Variants in IFT122 observed in about 807,000 individuals in gnomAD.
IFT122 encodes intraflagellar transport 122.
A neutral mutation model predicts 161.6 loss-of-function variants in IFT122; 118 were observed. The ratio of observed to expected loss-of-function variants is 0.73; its 90% CI spans 0.63 to 0.85. The LOEUF (loss-of-function observed/expected upper bound fraction) is 0.85, where lower values mean the gene tolerates loss of function less well. Among genes scored for constraint, IFT122 ranks in the 40% least tolerant of loss-of-function variants. The pLI is 0.00. For missense variants in IFT122, 1,381 were observed against 1,579.6 expected (o/e 0.87, Z 2.13); for synonymous variants, 550 against 602.4 (o/e 0.91, Z 1.27).
chr3:129,472,308 C>T (rs1390891526), intron 9 of IFT122, among the ~76,000 whole-genome samples: 1 of 151,796 alleles, frequency 6.6e-6, no homozygotes, highest in African/African-American at 2.4e-5. Flanking sequence ...CACATGCCAC[C>T]ACATCCTGCT....
Position 129,440,360 on chromosome 3 carries a change from A to T in IFT122, c.30A>T (p.Lys10Asn). The T allele has an allele frequency of 6.4e-7, 1 of 1,550,792 alleles. No homozygotes were observed. Among genetic ancestry groups the T allele is most frequent in the Non-Finnish European group, 8.7e-7 (1 of 1,146,816 alleles). Residue 10 changes from lysine to asparagine, a missense_variant, in exon 1 of 30, where the codon AAA becomes AAT. This residue lies in a region of IFT122 where 134 missense variants were observed against 137.4 expected (regional missense o/e 0.98). Coordinates refer to ENST00000348417, the MANE Select transcript of IFT122 (RefSeq NM_052989.3). The part of the protein sequence containing the change: MRAVLTWRD[K>N]AEHCINDIAF... ...GGGCCGTGTTGACGTGGAGAGATAA[A>T]GCCGAGCACTGGTGAGGAGCGGGGC...
At chr3:129,465,114 AGTGTGTGTGTGTGTGTGTGTGTGTGT>A (rs56116340) in intron 7 of IFT122, among the ~76,000 whole-genome samples, 9 of 142,416 alleles carry the variant, frequency 6.3e-5, no homozygotes, top group South Asian at 2.3e-4. Flanking sequence ...CATGTATATG[AGTGTGTGTGTGTGTGTGTGTGTGTGT>A]GTGTGTGTGT....
intron 29 of IFT122, 50 bp from the exon 30 acceptor site, chr3:129,520,126 G>A (rs1166572662): frequency 5.3e-6 from 8 of 1,495,834 alleles, no homozygotes; most frequent in Non-Finnish European, 6.5e-6. Flanking sequence ...CAGGCGTAGG[G>A]CTGATGAGCA....
Position 129,488,249 on chromosome 3 carries a change from T to C in IFT122, c.1852-8T>C, listed in dbSNP as rs367654095. The C allele has an allele frequency of 5.6e-6, 9 of 1,614,088 alleles. No homozygotes were observed. In the African/African-American group the frequency reaches 1.1e-4, roughly 19 times the overall value. ...GTCTTCTTTTTTTCCCTTGATGAAA[T>C]CCTGCAGTCCGCTCCCATGTACCAG... On this transcript the variant is annotated splice_polypyrimidine_tract_variant and splice_region_variant and intron_variant, in intron 15 of 29. Transcript: ENST00000348417.
chr3:129,472,497 A>G (rs968560517), intron 9 of IFT122, among the ~76,000 whole-genome samples: 2 of 152,144 alleles, frequency 1.3e-5, no homozygotes, highest in Non-Finnish European at 2.9e-5. Context: ...GATAAGAATT[A>G]TATTTAAAGT....
intron 9 of IFT122, among the ~76,000 whole-genome samples, chr3:129,475,476 A>G (rs1275572840): frequency 6.6e-6 from 1 of 152,054 alleles, no homozygotes; most frequent in East Asian, 1.9e-4. Flanking sequence ...ACAAGGAGAA[A>G]CACCGTCTCT....
intron 23 of IFT122, among the ~76,000 whole-genome samples, chr3:129,510,848 G>A (rs1338720288): frequency 1.3e-5 from 2 of 152,226 alleles, no homozygotes; most frequent in Non-Finnish European, 2.9e-5. Flanking sequence ...CTGGTGACAC[G>A]GTGGTGAACA....
At chr3:129,469,538 G>A (rs2077146484) in intron 9 of IFT122, 121 bp downstream of exon 9, 4 of 811,800 alleles carry the variant, frequency 4.9e-6, no homozygotes. Flanking sequence ...CATTTGCTGT[G>A]GTACCAGATA....
intron 23 of IFT122, among the ~76,000 whole-genome samples, chr3:129,508,751 G>T (rs1578083629): frequency 6.6e-6 from 1 of 152,196 alleles, no homozygotes; most frequent in East Asian, 1.9e-4. Context: ...CCTGCAAAAA[G>T]TTGTTGAGAT....
chr3:129,450,544 TTGTA>T (rs1053101325), intron 2 of IFT122, among the ~76,000 whole-genome samples: 1 of 152,186 alleles, frequency 6.6e-6, no homozygotes, highest in Non-Finnish European at 1.5e-5. Flanking sequence ...TCTCCATTCT[TTGTA>T]TGGTTAACTA....
In IFT122 at chr3:129,459,745, CTT is replaced by C. The variant is rs1260783333; in HGVS notation, c.272+1069_272+1070del. Among the ~76,000 whole-genome samples the C allele has an allele frequency of 3.5e-4, 23 of 65,842 alleles. No individual in the cohort carries two copies. The African/African-American group carries it at 3.8e-3, about 11-fold the overall frequency. The allele number at this position is 65,842 out of a possible 152,430, so 43.2% of individuals were successfully genotyped here. A position where few individuals can be genotyped will look rare whatever the true frequency, so the allele number is the denominator to read the frequency against. The stretch of plus-strand genomic sequence containing the variant: ...CCTTCCTTCCCTCCCTCCCTCCCTT[CTT>C]CCTTCCTTCCTTCCTTCCTTCCTTC... On this transcript the variant is annotated intron_variant, in intron 4 of 29. Transcript: ENST00000348417.
At chr3:129,446,308 T>G (rs1339262670) in intron 1 of IFT122, among the ~76,000 whole-genome samples, 2 of 151,494 alleles carry the variant, frequency 1.3e-5, no homozygotes, top group African/African-American at 2.4e-5. Context: ...CACTGCAAGC[T>G]CCACCTTCCG....
chr3:129,497,298 G>A (rs2080984408), intron 18 of IFT122, among the ~76,000 whole-genome samples: 1 of 152,184 alleles, frequency 6.6e-6, no homozygotes. Context: ...TGGCCTTGGT[G>A]CCCCAGAGCT....
In IFT122 at chr3:129,507,772, C is replaced by T; in HGVS notation, c.2886+10C>T. On this transcript the variant is annotated intron_variant, in intron 23 of 29. Transcript: ENST00000348417. ...CATCCATCGCCACACGGTAAGGTGG[C>T]TGGGTCACCAGCACCTGAGGGTACC... The T allele has an allele frequency of 6.2e-7, 1 of 1,607,842 alleles. No individual in the cohort carries two copies. The highest frequency in any genetic ancestry group is 8.5e-7 in the Non-Finnish European group (1 of 1,174,424).
chr3:129,488,996 C>G (rs1351183099), intron 16 of IFT122, among the ~76,000 whole-genome samples: 2 of 152,140 alleles, frequency 1.3e-5, no homozygotes, highest in Non-Finnish European at 2.9e-5. Flanking sequence ...TCTGACCCCT[C>G]TCTGCACATA....
chr3:129,464,048 G>A (rs1036032561), intron 6 of IFT122, among the ~76,000 whole-genome samples: 7 of 152,186 alleles, frequency 4.6e-5, no homozygotes, highest in Non-Finnish European at 1.0e-4. Context: ...GGAGCTTTAC[G>A]TTCCTCATCT....
chr3:129,504,133 C>A, intron 20 of IFT122, 186 bp from the exon 21 acceptor site: 1 of 599,998 alleles, frequency 1.7e-6, no homozygotes, highest in East Asian at 2.9e-5. Flanking sequence ...TGTTAATTGC[C>A]TTTTGTTTTC....
chr3:129,479,901 A>G lies in IFT122; in HGVS notation c.1467A>G (p.Leu489=), dbSNP rs373424989. The G allele has an allele frequency of 6.2e-7, 1 of 1,613,892 alleles. No homozygotes were observed. The highest frequency in any genetic ancestry group is 8.5e-7 in the Non-Finnish European group (1 of 1,179,972). The part of the protein sequence containing the change: ...IGGPPGREGL[L]VGLKNGQILK... ...GCCCTCCTGGAAGAGAAGGCCTCTT[A>G]GTGGGGCTGAAGAATGGACAGGTGA... is the stretch of plus-strand genomic sequence containing the variant. The change falls in exon 13 of 30, where the codon TTA becomes TTG. Residue 489 remains leucine, a synonymous_variant. Transcript: ENST00000348417.
intron 5 of IFT122, 170 bp downstream of exon 5, chr3:129,461,474 A>G (rs1025252849): frequency 1.5e-6 from 1 of 675,850 alleles, no homozygotes; most frequent in Non-Finnish European, 2.7e-6. Context: ...TGTGGAAACC[A>G]AGACAGTGAA....
Sources: gnomAD v4.1 joint callset for allele counts (sites outside exome capture counted in the v4.1 genomes callset) on GRCh38, gnomAD v4.1.1 for gene constraint, gnomAD v4.1.1 regional missense constraint, MANE v1.5 for transcripts, NCBI Gene and HGNC (gene_info 2026-07-23, HGNC 2026-07-21) for gene names.